The following ZNRF3 variants were observed in gnomAD, a reference collection of about 807,000 sequenced individuals.
ZNRF3 encodes E3 ubiquitin-protein ligase ZNRF3.
ZNRF3 carries 23 observed loss-of-function variants against 72.5 expected under a neutral mutation model. That is an observed-to-expected ratio of 0.32 (90% CI 0.23 to 0.45). The LOEUF is 0.45. Among genes scored for constraint, ZNRF3 ranks in the 20% least tolerant of loss-of-function variants. The pLI, the probability that ZNRF3 is intolerant of heterozygous loss-of-function variation, is 1.00. For missense variants in ZNRF3, 1,169 were observed against 1,272.1 expected (o/e 0.92, Z 1.23); for synonymous variants, 610 against 545.3 (o/e 1.12, Z -1.65).
chr22:28,925,827 C>G (rs2034590121), intron 1 of ZNRF3, among the ~76,000 whole-genome samples: 1 of 152,084 alleles, frequency 6.6e-6, no homozygotes. Flanking sequence ...ATTTGAAAAT[C>G]AAGCACATGG....
intron 6 of ZNRF3, among the ~76,000 whole-genome samples, chr22:29,047,223 T>C (rs1427749233): frequency 6.6e-6 from 1 of 152,188 alleles, no homozygotes; most frequent in East Asian, 1.9e-4. Flanking sequence ...CACCGCTGCA[T>C]ATCAGCCTGG....
At chr22:28,987,443 G>A (rs2035874879) in intron 2 of ZNRF3, among the ~76,000 whole-genome samples, 1 of 152,224 alleles carries the variant, frequency 6.6e-6, no homozygotes, top group South Asian at 2.1e-4. Context: ...CCATTGTGTG[G>A]CCTTGGGCAA....
At chr22:28,945,433 T>G (rs896588170) in intron 1 of ZNRF3, among the ~76,000 whole-genome samples, 2 of 151,960 alleles carry the variant, frequency 1.3e-5, no homozygotes, top group African/African-American at 4.8e-5. Flanking sequence ...GGCTCACACC[T>G]GTAATCCCAG....
Position 28,884,033 on chromosome 22 carries a change from G to T in ZNRF3, c.267G>T (p.Gly89=). The T allele has an allele frequency of 7.7e-7, 1 of 1,302,662 alleles. No individual in the cohort carries two copies. The highest frequency in any genetic ancestry group is 9.9e-7 in the Non-Finnish European group (1 of 1,007,000). 80.7% of individuals were successfully genotyped at this position (1,302,662 alleles called of 1,614,324 possible). A position where few individuals can be genotyped will look rare whatever the true frequency, so the allele number is the denominator to read the frequency against. Residue 89 remains glycine, a synonymous_variant, in exon 1 of 9, where the codon GGG becomes GGT. Coordinates refer to ENST00000544604, the MANE Select transcript of ZNRF3 (RefSeq NM_001206998.2). ...TGLTGRFSRA[G]ATLSAEGEIV... is the part of the protein sequence containing the mutation. ...TCACGGGCCGCTTCTCGCGGGCCGG[G>T]GCCACGCTCAGCGCCGAGGGCGAGA...
At chr22:28,895,740 T>G (rs949316883) in intron 1 of ZNRF3, among the ~76,000 whole-genome samples, 2 of 151,912 alleles carry the variant, frequency 1.3e-5, no homozygotes, top group Non-Finnish European at 2.9e-5. Context: ...ATCTAGCCTT[T>G]GGTCTTAAGA....
intron 1 of ZNRF3, among the ~76,000 whole-genome samples, chr22:28,929,849 A>G (rs756904955): frequency 1.3e-5 from 2 of 152,248 alleles, no homozygotes; most frequent in African/African-American, 4.8e-5. Flanking sequence ...TTTTAATTAA[A>G]GCTTATAAAA....
chr22:29,038,693 A>C (rs79056853), intron 2 of ZNRF3, among the ~76,000 whole-genome samples: 1 of 151,904 alleles, frequency 6.6e-6, no homozygotes, highest in Admixed American at 6.6e-5. Flanking sequence ...AATATGGGTT[A>C]TTCATGGCCT....
In ZNRF3 at chr22:28,895,198, G is replaced by C. The variant is rs138628901; in HGVS notation, c.300+11132G>C. On this transcript the variant is annotated intron_variant, in intron 1 of 8. Coordinates refer to ENST00000544604, the MANE Select transcript of ZNRF3 (RefSeq NM_001206998.2). ...GTGGACCCCATGAGTCTCAAGTTAT[G>C]CTACTGAGGAAGGCCCAGCTACCCT... Among the ~76,000 whole-genome samples the C allele has an allele frequency of 3.1e-3, 474 of 152,314 alleles. 3 individuals carry two copies. The highest frequency in any genetic ancestry group is 0.011 in the African/African-American group (455 of 41,562).
Position 29,049,285 on chromosome 22 carries a change from C to T in ZNRF3, c.1104C>T (p.Tyr368=), listed in dbSNP as rs1303664993. 1.1e-5 allele frequency: 18 copies of T among 1,613,928 alleles called. No individual in the cohort carries two copies. Among genetic ancestry groups the T allele is most frequent in the Non-Finnish European group, 1.4e-5 (17 of 1,180,012 alleles). The part of the protein sequence containing the change: ...RQQRVTLPVH[Y]PGRVHRTNAI... Reference sequence around the variant, plus strand: ...AGAGGGTGACCCTGCCGGTGCATTACCCCGGCCGCGTGCACAGGACCAACG... The same window carrying T: ...AGAGGGTGACCCTGCCGGTGCATTATCCCGGCCGCGTGCACAGGACCAACG... Residue 368 remains tyrosine (Y), a synonymous_variant, in exon 8 of 9, where the codon TAC becomes TAT. Coordinates refer to ENST00000544604, the MANE Select transcript of ZNRF3 (RefSeq NM_001206998.2). The surrounding 1 kb of genome is among the most constrained non-coding windows in gnomAD (Gnocchi z 5.2).
chr22:28,950,424 G>A (rs1272140197), intron 1 of ZNRF3, among the ~76,000 whole-genome samples: 1 of 152,180 alleles, frequency 6.6e-6, no homozygotes, highest in African/African-American at 2.4e-5. Context: ...AATGTGTATA[G>A]TGTTGTGTAC....
intron 3 of ZNRF3, 50 bp downstream of exon 3, chr22:29,042,619 T>G (rs993088828): frequency 6.5e-7 from 1 of 1,542,580 alleles, no homozygotes; most frequent in African/African-American, 1.4e-5. Flanking sequence ...AGAAAGGCAC[T>G]TCCTTTAGTG....
intron 2 of ZNRF3, chr22:29,026,195 C>A (rs1023361924): frequency 6.6e-6 from 1 of 152,158 alleles, no homozygotes; most frequent in East Asian, 1.9e-4. Context: ...TTGAATTAGA[C>A]CCGAAAATAT....
At chr22:29,042,219 C>T (rs1416910832) in intron 2 of ZNRF3, among the ~76,000 whole-genome samples, 1 of 152,182 alleles carries the variant, frequency 6.6e-6, no homozygotes, top group Non-Finnish European at 1.5e-5. Flanking sequence ...CAGGGTAATT[C>T]GCATATCCAT....
chr22:28,979,987 A>G (rs543507533), intron 1 of ZNRF3, among the ~76,000 whole-genome samples: 3 of 152,348 alleles, frequency 2.0e-5, no homozygotes, highest in Non-Finnish European at 4.4e-5. Flanking sequence ...TAAAATGCAA[A>G]TGGACATGAC....
intron 2 of ZNRF3, among the ~76,000 whole-genome samples, chr22:29,041,137 C>T (rs186270013): frequency 5.9e-5 from 9 of 152,178 alleles, no homozygotes; most frequent in African/African-American, 1.9e-4. Context: ...CCAGGACATG[C>T]ATGTATGTAT....
In ZNRF3 at chr22:28,954,345, G is replaced by T. The variant is rs147432878; in HGVS notation, c.301-32731G>T. On this transcript the variant is annotated intron_variant, in intron 1 of 8. Transcript: ENST00000544604. ...CTCCTGTGGCGAAGAAAGTGTGAGT[G>T]AGTGAGCAAGCTCTCTGGCATCTCT... 2.3e-4 allele frequency among the ~76,000 whole-genome samples: 35 copies of T among 152,302 alleles called. No homozygotes were observed. In the East Asian group the frequency reaches 6.8e-3, roughly 29 times the overall value.
In ZNRF3 at chr22:28,884,008, T is replaced by C. The variant is rs1355467298; in HGVS notation, c.242T>C (p.Leu81Pro). 1 of 1,307,366 alleles carries C rather than the reference T, an allele frequency of 7.6e-7. No individual in the cohort carries two copies. The highest frequency in any genetic ancestry group is 1.3e-5 in the South Asian group (1 of 74,116). The allele number at this position is 1,307,366 out of a possible 1,614,324, so 81.0% of individuals were successfully genotyped here. Residue 81 changes from leucine to proline, a missense_variant, in exon 1 of 9, where the codon CTC becomes CCC. Around this residue, in one of 2 missense-constraint regions of ZNRF3, gnomAD observed 386 missense variants for 540.7 expected, o/e 0.71. Transcript: ENST00000544604. ...GATTACACCACCTACACCACCGGCC[T>C]CACGGGCCGCTTCTCGCGGGCCGGG... ...SGDYTTYTTG[L>P]TGRFSRAGAT...
In ZNRF3 at chr22:28,883,728, C is replaced by A. The variant is rs1223002307; in HGVS notation, c.-39C>A. The A allele has an allele frequency of 3.1e-6, 3 of 982,430 alleles. No homozygotes were observed. In the African/African-American group the frequency reaches 5.3e-5, roughly 17 times the overall value. 60.9% of individuals were successfully genotyped at this position (982,430 alleles called of 1,614,324 possible). ...TCCTCAGCCGGCCCGCGACTATGCC[C>A]GGCCGCGCCCGCCCTCCGCGCCCTC... On this transcript the variant is annotated 5_prime_UTR_variant, in exon 1 of 9. Transcript: ENST00000544604. The surrounding 1 kb of genome is among the most constrained non-coding windows in gnomAD (Gnocchi z 5.5).
chr22:28,895,044 G>T (rs993323642), intron 1 of ZNRF3, among the ~76,000 whole-genome samples: 1 of 152,074 alleles, frequency 6.6e-6, no homozygotes, highest in Non-Finnish European at 1.5e-5. Context: ...CAGATGCCTG[G>T]CCCTGTAGAC....
Sources: gnomAD v4.1 joint callset for allele counts (sites outside exome capture counted in the v4.1 genomes callset) on GRCh38, gnomAD v4.1.1 for gene constraint, gnomAD v4.1.1 regional missense constraint, Gnocchi (gnomAD v3.1) non-coding constraint, MANE v1.5 for transcripts, NCBI Gene and HGNC (gene_info 2026-07-23, HGNC 2026-07-21) for gene names.